The following AGMO variants were observed in gnomAD, a reference collection of about 807,000 sequenced individuals.
AGMO encodes alkylglycerol monooxygenase.
AGMO carries 75 observed loss-of-function variants against 60.2 expected under a neutral mutation model. The ratio of observed to expected loss-of-function variants is 1.25; its 90% confidence interval spans 1.03 to 1.51. The LOEUF (loss-of-function observed/expected upper bound fraction) is 1.51. AGMO is among the 40% of genes most tolerant of loss of function. The pLI is 0.00. For missense variants in AGMO, 763 were observed against 525.5 expected (o/e 1.45, Z -4.42); for synonymous variants, 261 against 177.1 (o/e 1.47, Z -3.76).
chr7:15,549,375 T>C (rs1583677454), intron 2 of AGMO, among the ~76,000 whole-genome samples: 1 of 151,960 alleles, frequency 6.6e-6, no homozygotes, highest in East Asian at 1.9e-4. Context: ...GACTGGCAAA[T>C]TGGATAAAGA....
chr7:15,280,858 T>C (rs114178956), intron 12 of AGMO, among the ~76,000 whole-genome samples: 2,119 of 152,326 alleles, frequency 0.014, 45 homozygotes, highest in African/African-American at 0.049. Flanking sequence ...CAACACACTA[T>C]GGCTATTTAT....
chr7:15,281,990 G>C (rs1783980291), intron 12 of AGMO, among the ~76,000 whole-genome samples: 1 of 152,060 alleles, frequency 6.6e-6, no homozygotes, highest in African/African-American at 2.4e-5. Flanking sequence ...ACCTCTGAAA[G>C]CACCAAGAGC....
At chr7:15,236,481 T>C (rs995586519) in intron 12 of AGMO, among the ~76,000 whole-genome samples, 1 of 152,136 alleles carries the variant, frequency 6.6e-6, no homozygotes, top group Non-Finnish European at 1.5e-5. Context: ...AAGAACTCTG[T>C]CTTGAATTAT....
At chr7:15,436,598 C>T (rs941434562) in intron 3 of AGMO, among the ~76,000 whole-genome samples, 3 of 151,794 alleles carry the variant, frequency 2.0e-5, no homozygotes, top group African/African-American at 7.3e-5. Context: ...CTGCATGAGT[C>T]TAGAAATTAC....
chr7:15,388,466 T>A (rs551821773), intron 8 of AGMO, among the ~76,000 whole-genome samples: 2 of 152,238 alleles, frequency 1.3e-5, no homozygotes, highest in Non-Finnish European at 2.9e-5. Context: ...GAAGTTATAA[T>A]GTACATTAAT....
chr7:15,240,188 T>G (rs752174459), intron 12 of AGMO, among the ~76,000 whole-genome samples: 1 of 152,174 alleles, frequency 6.6e-6, no homozygotes, highest in Non-Finnish European at 1.5e-5. Context: ...GGTCTCTTCA[T>G]ATTAGGCTTG....
At chr7:15,548,380 G>A (rs1784848918) in intron 2 of AGMO, among the ~76,000 whole-genome samples, 5 of 151,670 alleles carry the variant, frequency 3.3e-5, no homozygotes, top group African/African-American at 7.3e-5. Context: ...GCTATGGGAG[G>A]ACATTCAAAC....
chr7:15,407,880 G>C (rs950518091), intron 5 of AGMO, among the ~76,000 whole-genome samples: 3 of 151,822 alleles, frequency 2.0e-5, no homozygotes, highest in African/African-American at 7.2e-5. Context: ...TTAATAATTA[G>C]ATGCTTCCCA....
At chr7:15,524,042 GTTTGA>G (rs1180094051) in intron 3 of AGMO, among the ~76,000 whole-genome samples, 2 of 151,868 alleles carry the variant, frequency 1.3e-5, no homozygotes, top group Admixed American at 1.3e-4. Flanking sequence ...TAAACTTTCT[GTTTGA>G]TATTTTTGTT....
chr7:15,215,099 C>T (rs998728940), intron 12 of AGMO, among the ~76,000 whole-genome samples: 2 of 151,966 alleles, frequency 1.3e-5, no homozygotes, highest in East Asian at 1.9e-4. Flanking sequence ...AATTTTAAAT[C>T]GAATACTAGC....
intron 12 of AGMO, among the ~76,000 whole-genome samples, chr7:15,211,086 T>C (rs79965162): frequency 0.12 from 18,843 of 151,668 alleles, 1,539 homozygotes; most frequent in East Asian, 0.37. Context: ...GAAAAAGGAG[T>C]AAGCAAACTA....
At chr7:15,257,323 C>G (rs1783127193) in intron 12 of AGMO, among the ~76,000 whole-genome samples, 1 of 151,894 alleles carries the variant, frequency 6.6e-6, no homozygotes. Flanking sequence ...AACTTGATAC[C>G]TACTATGGAC....
the AGMO span, among the ~76,000 whole-genome samples, chr7:15,185,914 G>T: frequency 0.22 from 33,353 of 152,054 alleles, 3,884 homozygotes; most frequent in South Asian, 0.32. Flanking sequence ...TCTAAGTATA[G>T]CTCTGCCTCA....
rs543228511 is a variant in AGMO at position 15,234,058 on chromosome 7, A to G, written c.1264-32699T>C. ...AGCAAGACTTCGTCTCAACACAAAC[A>G]AACAATAACAAAAAATATTAGAGAA... On this transcript the variant is annotated intron_variant, in intron 12 of 12. Coordinates refer to ENST00000342526, the MANE Select transcript of AGMO (RefSeq NM_001004320.2). 2.2e-3 allele frequency among the ~76,000 whole-genome samples: 336 copies of G among 152,172 alleles called. 3 individuals are homozygous for G. Among genetic ancestry groups the G allele is most frequent in the African/African-American group, 7.2e-3 (297 of 41,422 alleles).
intron 3 of AGMO, among the ~76,000 whole-genome samples, chr7:15,485,524 G>A (rs1330716198): frequency 1.3e-5 from 2 of 152,100 alleles, no homozygotes; most frequent in Non-Finnish European, 2.9e-5. Context: ...GGTCTCTGGG[G>A]TGGTTAATGC....
At chr7:15,398,720 T>G (rs1242219033) in intron 5 of AGMO, among the ~76,000 whole-genome samples, 1 of 152,174 alleles carries the variant, frequency 6.6e-6, no homozygotes, top group Non-Finnish European at 1.5e-5. Flanking sequence ...TATTAATTTT[T>G]TAGACATAGA....
chr7:15,273,516 T>C (rs1396679314), intron 12 of AGMO, among the ~76,000 whole-genome samples: 1 of 152,218 alleles, frequency 6.6e-6, no homozygotes, highest in Non-Finnish European at 1.5e-5. Context: ...GCTGTTTTGG[T>C]TACTGTAGCC....
intron 3 of AGMO, among the ~76,000 whole-genome samples, chr7:15,526,155 C>T (rs914706623): frequency 6.6e-6 from 1 of 152,206 alleles, no homozygotes; most frequent in African/African-American, 2.4e-5. Context: ...GGGGTGTCTC[C>T]TGCAGCGAAC....
At chr7:15,399,052 A>G (rs577506361) in intron 5 of AGMO, among the ~76,000 whole-genome samples, 1 of 152,272 alleles carries the variant, frequency 6.6e-6, no homozygotes, top group Admixed American at 6.5e-5. Flanking sequence ...GGTATTTATA[A>G]AGATCCCAGG....
Sources: allele counts gnomAD v4.1 joint callset (sites outside exome capture counted in the v4.1 genomes callset), GRCh38; gene constraint gnomAD v4.1.1; transcripts MANE v1.5; gene names NCBI Gene and HGNC (gene_info 2026-07-23, HGNC 2026-07-21).